BNC2: variants seen among roughly 807,000 people sequenced by gnomAD.
BNC2 encodes basonuclin zinc finger protein 2, also known as zinc finger protein basonuclin-2.
Under a neutral mutation model 76.3 loss-of-function variants are expected in BNC2, and 20 were observed. That is an observed-to-expected ratio of 0.26 (90% CI 0.18 to 0.38). The LOEUF (loss-of-function observed/expected upper bound fraction) is 0.38, where lower values mean the gene tolerates loss of function less well. Ranked by LOEUF, BNC2 falls within the 10% of genes least tolerant of loss-of-function variation. The probability of loss-of-function intolerance (pLI) is 1.00; values close to 1 mark genes in which losing one functional copy is unlikely to be tolerated. For synonymous variants in BNC2, 582 were observed against 514.8 expected, an observed-to-expected ratio of 1.13 and a Z score of -1.77; for missense variants, 1,382 against 1,399.8, an observed-to-expected ratio of 0.99 and a Z score of 0.20.
intron 3 of BNC2, among the ~76,000 whole-genome samples, chr9:16,686,970 G>A (rs768148772): frequency 5.3e-5 from 8 of 152,046 alleles, no homozygotes; most frequent in East Asian, 1.9e-4. Context: ...AGTTTCACAC[G>A]TGCAGGCCAA....
rs137913040 is a variant in BNC2, at chr9:16,514,755, G to A, written c.669+37775C>T. Among the ~76,000 whole-genome samples the A allele has an allele frequency of 5.9e-3, 901 of 152,184 alleles. 10 individuals are homozygous for A. The highest frequency in any genetic ancestry group is 0.021 in the African/African-American group (861 of 41,500). On this transcript the variant is annotated intron_variant, in intron 5 of 6. Coordinates refer to ENST00000380672, the MANE Select transcript of BNC2 (RefSeq NM_017637.6). ...TCACCAGGAACTGTTGTTAGCAAGG[G>A]ATCCACGTCTCGATGATGACAGAAT...
At chr9:16,482,440 A>C (rs2131535171) in intron 5 of BNC2, among the ~76,000 whole-genome samples, 1 of 151,822 alleles carries the variant, frequency 6.6e-6, no homozygotes, top group South Asian at 2.1e-4. Flanking sequence ...ATCTATAGAA[A>C]CTCAAACTAA....
At chr9:16,624,798 C>T (rs1379635752) in intron 3 of BNC2, among the ~76,000 whole-genome samples, 1 of 151,860 alleles carries the variant, frequency 6.6e-6, no homozygotes, top group Non-Finnish European at 1.5e-5. Flanking sequence ...TTTTTTAATC[C>T]AACAAGTATT....
At chr9:16,639,180 C>T (rs1220264369) in intron 3 of BNC2, among the ~76,000 whole-genome samples, 2 of 152,134 alleles carry the variant, frequency 1.3e-5, no homozygotes, top group South Asian at 4.1e-4. Context: ...ATAAAGTATT[C>T]TTGGATGACA....
At chr9:16,667,176 C>A in intron 3 of BNC2, among the ~76,000 whole-genome samples, 1 of 151,942 alleles carries the variant, frequency 6.6e-6, no homozygotes, top group East Asian at 1.9e-4. Flanking sequence ...GTTGTTTATC[C>A]AAATGGTAAT....
Position 16,436,781 on chromosome 9 carries a change from G to A in BNC2, c.1413C>T (p.Cys471=). The change falls in exon 6 of 7, where the codon TGC becomes TGT. Residue 471 remains cysteine (C), a synonymous_variant. Transcript: ENST00000380672. ...NAVHLKIKHR[C]TIEGCNMVFS... Reference sequence around the variant, plus strand: ...AGACCATGTTGCAACCTTCAATGGTGCATCGATGTTTGATCTTCAGGTGAA... The same window carrying A: ...AGACCATGTTGCAACCTTCAATGGTACATCGATGTTTGATCTTCAGGTGAA... 2 of 1,614,178 alleles carry A rather than the reference G, an allele frequency of 1.2e-6. No homozygotes were observed. The highest frequency in any genetic ancestry group is 1.7e-6 in the Non-Finnish European group (2 of 1,180,034).
intron 4 of BNC2, among the ~76,000 whole-genome samples, chr9:16,575,899 T>G (rs1052297240): frequency 6.6e-6 from 1 of 152,242 alleles, no homozygotes; most frequent in Non-Finnish European, 1.5e-5. Flanking sequence ...TTTCAGCATT[T>G]ACAATCTGGA....
rs1219869520 is a variant in BNC2, at chr9:16,415,967, A to C, written c.*3022T>G. ...CACAGGTGAACACATTCATGTTTCC[A>C]AGCAAGGGAAACTCTACTTCTAGAA... On this transcript the variant is annotated 3_prime_UTR_variant, in exon 7 of 7. Transcript: ENST00000380672. 1.3e-5 allele frequency: 2 copies of C among 152,140 alleles called. No individual in the cohort carries two copies. The highest frequency in any genetic ancestry group is 2.9e-5 in the Non-Finnish European group (2 of 68,030). The allele number at this position is 152,140 out of a possible 1,614,324, so 9.4% of individuals were successfully genotyped here.
chr9:16,453,536 G>C (rs1821385056), intron 5 of BNC2, among the ~76,000 whole-genome samples: 2 of 152,132 alleles, frequency 1.3e-5, no homozygotes, highest in South Asian at 2.1e-4. Context: ...GGATTATTTT[G>C]ATAGGTGCTC....
chr9:16,625,554 G>C (rs991040825), intron 3 of BNC2: 1 of 152,258 alleles, frequency 6.6e-6, no homozygotes, highest in Admixed American at 6.5e-5. Context: ...CAAAAGGCGG[G>C]GGGCGGTCCA....
chr9:16,654,867 G>A (rs1404719534), intron 3 of BNC2, among the ~76,000 whole-genome samples: 2 of 152,030 alleles, frequency 1.3e-5, no homozygotes, highest in East Asian at 1.9e-4. Context: ...GAAAAATGAC[G>A]TTCCATCATG....
At chr9:16,533,197 T>A (rs1267437926) in intron 5 of BNC2, among the ~76,000 whole-genome samples, 1 of 152,202 alleles carries the variant, frequency 6.6e-6, no homozygotes. Context: ...ACATGGAGCA[T>A]GATTTCTGGA....
chr9:16,582,015 T>C (rs1019286956), intron 4 of BNC2, among the ~76,000 whole-genome samples: 2 of 152,074 alleles, frequency 1.3e-5, no homozygotes, highest in Admixed American at 1.3e-4. Context: ...TTTCGAGGCA[T>C]GGCCCAGTGT....
intron 5 of BNC2, among the ~76,000 whole-genome samples, chr9:16,551,652 C>T (rs1329037521): frequency 1.3e-5 from 2 of 152,216 alleles, no homozygotes; most frequent in African/African-American, 4.8e-5. Flanking sequence ...ATTTCTTCAT[C>T]ATCCAGTGTA....
In BNC2 at chr9:16,779,129, A is replaced by AG. The variant is rs1157354462; in HGVS notation, c.4-40645_4-40644insC. ...ACAAAAATTGTAAAAAAAAAAAAAA[A>AG]AAAAAGAAAAGAAAAGAAAAAAAAA... is the stretch of plus-strand genomic sequence containing the variant. On this transcript the variant is annotated intron_variant, in intron 1 of 6. Coordinates refer to ENST00000380672, the MANE Select transcript of BNC2 (RefSeq NM_017637.6). Among the ~76,000 whole-genome samples the AG allele has an allele frequency of 7.3e-4, 95 of 129,862 alleles. 1 individual carries two copies. The highest frequency in any genetic ancestry group is 4.1e-3 in the Admixed American group (50 of 12,130). The allele number at this position is 129,862 out of a possible 152,430, so 85.2% of individuals were successfully genotyped here. A position where few individuals can be genotyped will look rare whatever the true frequency, so the allele number is the denominator to read the frequency against.
In BNC2 at chr9:16,590,419, T is replaced by G. The variant is rs141052523; in HGVS notation, c.331-7334A>C. Among the ~76,000 whole-genome samples, 267 of 152,050 alleles carry G rather than the reference T, an allele frequency of 1.8e-3. 2 individuals are homozygous for G. The highest frequency in any genetic ancestry group is 6.1e-3 in the African/African-American group (254 of 41,550). On this transcript the variant is annotated intron_variant, in intron 3 of 6. Transcript: ENST00000380672. ...TGTTGGCCAGGCTGTTCTTGAATTC[T>G]TGACCTCATGTGATCCACCTGCCTC...
intron 1 of BNC2, among the ~76,000 whole-genome samples, chr9:16,857,958 G>GAGGT (rs1182733424): frequency 1.3e-5 from 2 of 152,182 alleles, no homozygotes; most frequent in Non-Finnish European, 2.9e-5. Flanking sequence ...ATTCAACGAT[G>GAGGT]AGGTATTTTA....
intron 1 of BNC2, among the ~76,000 whole-genome samples, chr9:16,755,898 G>C (rs1220104906): frequency 6.6e-6 from 1 of 152,164 alleles, no homozygotes; most frequent in Non-Finnish European, 1.5e-5. Flanking sequence ...TTGTGAATCT[G>C]AGTCCTTACT....
chr9:16,608,099 G>C (rs1820433482), intron 3 of BNC2, among the ~76,000 whole-genome samples: 1 of 152,154 alleles, frequency 6.6e-6, no homozygotes, highest in Non-Finnish European at 1.5e-5. Context: ...CTCAAAAAGA[G>C]TAGAAAGCTT....
Sources: allele counts gnomAD v4.1 joint callset (sites outside exome capture counted in the v4.1 genomes callset), GRCh38; gene constraint gnomAD v4.1.1; transcripts MANE v1.5; gene names NCBI Gene and HGNC (gene_info 2026-07-23, HGNC 2026-07-21).